Variants in TACC2 observed in about 807,000 individuals in gnomAD.
TACC2 encodes the protein transforming acidic coiled-coil-containing protein 2.
A neutral mutation model predicts 227.3 loss-of-function variants in TACC2; 137 were observed. The ratio of observed to expected loss-of-function variants is 0.60; its 90% CI spans 0.52 to 0.69. The LOEUF (loss-of-function observed/expected upper bound fraction) is 0.69, where lower values mean the gene tolerates loss of function less well. TACC2 is among the 30% of genes least tolerant of loss of function. The pLI, the probability that TACC2 is intolerant of heterozygous loss-of-function variation, is 0.00. For missense variants in TACC2, 3,470 were observed against 3,694.4 expected, an observed-to-expected ratio of 0.94 and a Z score of 1.57; for synonymous variants, 1,523 against 1,487.5, an observed-to-expected ratio of 1.02 and a Z score of -0.55.
At chr10:121,997,513 G>T (rs984047027) in intron 1 of TACC2, among the ~76,000 whole-genome samples, 1 of 152,166 alleles carries the variant, frequency 6.6e-6, no homozygotes, top group Admixed American at 6.5e-5. Context: ...AATTAGCAGG[G>T]TCTAAGAGGT....
chr10:122,116,490 A>AC (rs2084723189), intron 5 of TACC2, among the ~76,000 whole-genome samples: 1 of 152,172 alleles, frequency 6.6e-6, no homozygotes, highest in Admixed American at 6.5e-5. Context: ...CAGCTGTGTG[A>AC]CCTTGAGCAA....
intron 1 of TACC2, among the ~76,000 whole-genome samples, chr10:122,009,206 T>A (rs1181559279): frequency 6.6e-6 from 1 of 152,256 alleles, no homozygotes; most frequent in Non-Finnish European, 1.5e-5. Context: ...GTCTTCAAGT[T>A]ATAGAAAGTC....
chr10:122,081,014 T>C (rs1024239091), intron 3 of TACC2, among the ~76,000 whole-genome samples: 1 of 152,198 alleles, frequency 6.6e-6, no homozygotes, highest in African/African-American at 2.4e-5. Flanking sequence ...GAATTTCTCT[T>C]GTTAATAGAA....
chr10:122,060,103 T>C (rs1165050831), intron 3 of TACC2, among the ~76,000 whole-genome samples: 1 of 152,188 alleles, frequency 6.6e-6, no homozygotes, highest in Non-Finnish European at 1.5e-5. Flanking sequence ...GGGACAGGCC[T>C]TGCAAAGGGC....
At chr10:122,217,437 C>CTTTTT (rs35233150) in intron 11 of TACC2, among the ~76,000 whole-genome samples, 52 of 93,206 alleles carry the variant, frequency 5.6e-4, no homozygotes, top group South Asian at 9.6e-4. Context: ...TTTCTTTTTT[C>CTTTTT]TTTTTTTTTT....
chr10:122,143,808 C>G, intron 7 of TACC2, 102 bp downstream of exon 7: 1 of 1,349,424 alleles, frequency 7.4e-7, no homozygotes, highest in Non-Finnish European at 1.0e-6. Flanking sequence ...AGGATGGTAA[C>G]AAGGTGGTGA....
At chr10:122,028,530 T>C (rs188759731) in intron 2 of TACC2, among the ~76,000 whole-genome samples, 5 of 152,336 alleles carry the variant, frequency 3.3e-5, no homozygotes, top group African/African-American at 9.6e-5. Context: ...TATTCATGTG[T>C]TCATTATTAA....
At chr10:122,245,973 G>C (rs2096107978) in intron 19 of TACC2, among the ~76,000 whole-genome samples, 1 of 149,916 alleles carries the variant, frequency 6.7e-6, no homozygotes, top group Admixed American at 6.6e-5. Context: ...GCAGCTCTGG[G>C]CTCCAGAGGC....
intron 1 of TACC2, among the ~76,000 whole-genome samples, chr10:122,008,370 C>T (rs1224094439): frequency 7.3e-5 from 11 of 151,678 alleles, no homozygotes; most frequent in African/African-American, 2.2e-4. Context: ...AAGCGATTCT[C>T]CTGCCTCAGC....
chr10:122,224,362 G>C (rs1439319403), intron 11 of TACC2, among the ~76,000 whole-genome samples: 2 of 152,152 alleles, frequency 1.3e-5, no homozygotes, highest in Non-Finnish European at 2.9e-5. Context: ...TCACCTGACA[G>C]TTACAGAGGA....
Position 122,248,629 on chromosome 10 carries a change from G to A in TACC2, c.8393-14G>A, listed in dbSNP as rs373766077. 2 of 1,612,314 alleles carry A rather than the reference G, an allele frequency of 1.2e-6. No individual in the cohort carries two copies. The highest frequency in any genetic ancestry group is 2.7e-5 in the African/African-American group (2 of 74,846). On this transcript the variant is annotated splice_polypyrimidine_tract_variant and intron_variant, in intron 19 of 22. Coordinates refer to ENST00000369005, the MANE Select transcript of TACC2 (RefSeq NM_206862.4). ...TCTGGGCTCCATCATTTGGCTCCTG[G>A]TCTCTCCTGCCAGAGGACGAACAGA...
At chr10:122,025,871 G>A (rs929037087) in intron 2 of TACC2, among the ~76,000 whole-genome samples, 6 of 151,384 alleles carry the variant, frequency 4.0e-5, no homozygotes, top group African/African-American at 1.5e-4. Context: ...ACTGCACCCC[G>A]GCCTATTATT....
chr10:122,086,154 C>T lies in TACC2; in HGVS notation c.3654C>T (p.Asp1218=). The T allele has an allele frequency of 6.2e-7, 1 of 1,613,674 alleles. No homozygotes were observed. Among genetic ancestry groups the T allele is most frequent in the Middle Eastern group, 1.7e-4 (1 of 6,060 alleles). Residue 1218 remains aspartate (D), a synonymous_variant, in exon 4 of 23, where the codon GAC becomes GAT. Coordinates refer to ENST00000369005, the MANE Select transcript of TACC2 (RefSeq NM_206862.4). Reference sequence around the variant, plus strand: ...TTTCTACACACCAGGCTGTCCCAGACCCAAAGGAGCTCCTGCTGTCTGGGC... The same window carrying T: ...TTTCTACACACCAGGCTGTCCCAGATCCAAAGGAGCTCCTGCTGTCTGGGC... The part of the protein sequence containing the change: ...MDFSTHQAVP[D]PKELLLSGPP...
chr10:122,130,680 A>G (rs964227438), intron 5 of TACC2, among the ~76,000 whole-genome samples: 1 of 152,306 alleles, frequency 6.6e-6, no homozygotes, highest in Admixed American at 6.5e-5. Flanking sequence ...TGGTTCTGCC[A>G]CTTAGCTGCT....
Position 122,082,985 on chromosome 10 carries a change from C to A in TACC2, c.485C>A (p.Thr162Asn). The change falls in exon 4 of 23, where the codon ACT becomes AAT. Residue 162 changes from threonine to asparagine, a missense_variant. Transcript: ENST00000369005. ...TTTCCCGCTGAGAGGGACAGCTCTACTCCATACCAAGAGATTGCTGCCGTC... is the reference window on the plus strand; with the variant it reads ...TTTCCCGCTGAGAGGGACAGCTCTAATCCATACCAAGAGATTGCTGCCGTC... ...AAFPAERDSS[T>N]PYQEIAAVPS... The A allele has an allele frequency of 6.2e-7, 1 of 1,612,832 alleles. No homozygotes were observed. Among genetic ancestry groups the A allele is most frequent in the Non-Finnish European group, 8.5e-7 (1 of 1,180,014 alleles).
chr10:122,064,618 C>T (rs1011136428), intron 3 of TACC2, among the ~76,000 whole-genome samples: 2 of 152,158 alleles, frequency 1.3e-5, no homozygotes, highest in African/African-American at 2.4e-5. Context: ...GACTTACTAT[C>T]GTTTACATTA....
chr10:122,172,384 C>T (rs1438323335), intron 7 of TACC2, among the ~76,000 whole-genome samples: 1 of 152,170 alleles, frequency 6.6e-6, no homozygotes, highest in African/African-American at 2.4e-5. Context: ...GTGCCAGCAC[C>T]ACCCTTCCTG....
At chr10:122,128,897 G>T (rs902569014) in intron 5 of TACC2, among the ~76,000 whole-genome samples, 1 of 151,498 alleles carries the variant, frequency 6.6e-6, no homozygotes, top group African/African-American at 2.4e-5. Context: ...TCTCTGTCAC[G>T]TGCTCGTGTG....
intron 5 of TACC2, among the ~76,000 whole-genome samples, chr10:122,130,405 G>C (rs915808959): frequency 6.6e-6 from 1 of 152,026 alleles, no homozygotes; most frequent in Non-Finnish European, 1.5e-5. Flanking sequence ...CTCCCTGAAT[G>C]GGGGGTAGGG....
Sources: allele counts gnomAD v4.1 joint callset (sites outside exome capture counted in the v4.1 genomes callset), GRCh38; gene constraint gnomAD v4.1.1; transcripts MANE v1.5; gene names NCBI Gene and HGNC (gene_info 2026-07-23, HGNC 2026-07-21).